Variants in ATR observed in about 807,000 individuals in gnomAD.
ATR encodes serine/threonine-protein kinase ATR.
Under a neutral mutation model 305.3 loss-of-function variants are expected in ATR, and 142 were observed. The observed-to-expected ratio is 0.47, with a 90% CI of 0.41 to 0.53. ATR has a LOEUF of 0.53. ATR is among the 20% of genes least tolerant of loss of function. ATR has a pLI of 0.00. For synonymous variants in ATR, 1,050 were observed against 1,068.1 expected, an observed-to-expected ratio of 0.98 and a Z score of 0.33; for missense variants, 2,135 against 3,133.1, an observed-to-expected ratio of 0.68 and a Z score of 7.60.
At chr3:142,543,353 T>C (rs1036741888) in intron 16 of ATR, among the ~76,000 whole-genome samples, 5 of 149,134 alleles carry the variant, frequency 3.4e-5, no homozygotes, top group African/African-American at 1.2e-4. Flanking sequence ...CCTTCCTTCC[T>C]TCCTTCCTCC....
intron 21 of ATR, among the ~76,000 whole-genome samples, chr3:142,530,260 C>A (rs1358669523): frequency 6.6e-6 from 1 of 151,990 alleles, no homozygotes; most frequent in Non-Finnish European, 1.5e-5. Flanking sequence ...TTCAATCACC[C>A]TCGTTTCATC....
At chr3:142,504,700 G>A (rs1260906512) in intron 29 of ATR, among the ~76,000 whole-genome samples, 4 of 152,086 alleles carry the variant, frequency 2.6e-5, no homozygotes, top group African/African-American at 9.7e-5. Context: ...CTGACCTCGG[G>A]GAATCCACCC....
At chr3:142,460,485 C>T (rs2071000737) in intron 42 of ATR, among the ~76,000 whole-genome samples, 1 of 151,836 alleles carries the variant, frequency 6.6e-6, no homozygotes, top group African/African-American at 2.4e-5. Context: ...TGCTATGTAA[C>T]AATAAAGGCA....
chr3:142,547,532 T>A (rs902572117), intron 16 of ATR, among the ~76,000 whole-genome samples, 193 bp downstream of exon 16: 3 of 152,212 alleles, frequency 2.0e-5, no homozygotes, highest in African/African-American at 7.2e-5. Flanking sequence ...ATAAACGTGA[T>A]CTCGTGTTCA....
chr3:142,486,943 G>T (rs2030964764), intron 35 of ATR, among the ~76,000 whole-genome samples: 1 of 123,314 alleles, frequency 8.1e-6, no homozygotes, highest in Non-Finnish European at 1.6e-5. Flanking sequence ...GTGAAACCTG[G>T]TCTCTACTAA....
At position 142,542,745 on chromosome 3, in the gene ATR, G is replaced by A; in HGVS notation, c.3370C>T (p.Gln1124Ter). The change falls in exon 17 of 47, where the codon CAA becomes TAA. Residue 1124 changes from glutamine (Q) to a stop codon, truncating the protein, a stop_gained. Transcript: ENST00000350721. LOFTEE classifies it high-confidence loss of function. ...ISPELMADYLQPKLLGILAFF... is the reference protein window; with the variant it reads ...ISPELMADYL ...GCCAAAATGCCCAACAATTTGGGTT[G>A]TAAATAATCAGCCTAAGAAATAAAA... 1.2e-6 allele frequency: 2 copies of A among 1,611,630 alleles called. No individual in the cohort carries two copies. The highest frequency in any genetic ancestry group is 1.7e-6 in the Non-Finnish European group (2 of 1,178,236).
intron 22 of ATR, among the ~76,000 whole-genome samples, 174 bp from the exon 23 acceptor site, chr3:142,523,015 T>C (rs2033212843): frequency 6.6e-6 from 1 of 152,222 alleles, no homozygotes; most frequent in African/African-American, 2.4e-5. Context: ...ATATAATCTG[T>C]AGCTAAAAAG....
intron 46 of ATR, chr3:142,452,132 C>A: frequency 9.8e-7 from 1 of 1,019,266 alleles, no homozygotes; most frequent in South Asian, 4.0e-5. Context: ...CCTTCTTTCT[C>A]AAGACAAAGG....
intron 10 of ATR, 39 bp downstream of exon 10, chr3:142,555,838 A>T (rs1470380679): frequency 7.0e-6 from 11 of 1,573,856 alleles, no homozygotes; most frequent in Non-Finnish European, 9.5e-6. Context: ...GCAGAGCTTA[A>T]ATAGGTTTTA....
rs189365380 is a variant in ATR at position 142,500,340 on chromosome 3, T to C, written c.5289-622A>G. Among the ~76,000 whole-genome samples, 349 of 152,330 alleles carry C rather than the reference T, an allele frequency of 2.3e-3. 1 individual carries two copies. Among genetic ancestry groups the C allele is most frequent in the South Asian group, 4.3e-3 (21 of 4,828 alleles). On this transcript the variant is annotated intron_variant, in intron 30 of 46. Coordinates refer to ENST00000350721, the MANE Select transcript of ATR (RefSeq NM_001184.4). ...TTGAGTTTGCAAAACCAGTATGATA[T>C]AGGCTAATTATTTTGTTCTAAGCAT... is the stretch of plus-strand genomic sequence containing the variant.
intron 17 of ATR, 75 bp from the exon 18 acceptor site, chr3:142,541,109 T>C (rs1158829012): frequency 2.6e-6 from 4 of 1,538,766 alleles, no homozygotes; most frequent in African/African-American, 2.7e-5. Flanking sequence ...TAAGGACAAG[T>C]GCTTCCCACC....
intron 45 of ATR, among the ~76,000 whole-genome samples, chr3:142,456,567 G>A (rs1239322103): frequency 6.6e-6 from 1 of 150,928 alleles, no homozygotes; most frequent in Non-Finnish European, 1.5e-5. Context: ...GCGAAACCCT[G>A]TCTCAAAGGA....
chr3:142,494,558 A>T (rs1243033119), intron 34 of ATR, among the ~76,000 whole-genome samples: 1 of 152,214 alleles, frequency 6.6e-6, no homozygotes, highest in Non-Finnish European at 1.5e-5. Flanking sequence ...AGAAAATTTG[A>T]ATTAGGTTTT....
At chr3:142,546,564 G>A (rs908249873) in intron 16 of ATR, among the ~76,000 whole-genome samples, 1 of 152,118 alleles carries the variant, frequency 6.6e-6, no homozygotes, top group Non-Finnish European at 1.5e-5. Context: ...ATCATTAAAG[G>A]AGAGAATGAT....
intron 28 of ATR, 53 bp downstream of exon 28, chr3:142,507,878 A>G: frequency 6.8e-7 from 1 of 1,478,378 alleles, no homozygotes; most frequent in Non-Finnish European, 9.4e-7. Context: ...CATAAACATA[A>G]AAGACTGGCC....
At chr3:142,452,372 C>G in intron 46 of ATR, 2 of 987,138 alleles carry the variant, frequency 2.0e-6, no homozygotes, top group Non-Finnish European at 2.4e-6. Flanking sequence ...TCTATTCTAA[C>G]TTATTAAAAA....
intron 36 of ATR, among the ~76,000 whole-genome samples, chr3:142,480,917 T>C (rs914463395): frequency 6.6e-6 from 1 of 152,178 alleles, no homozygotes; most frequent in African/African-American, 2.4e-5. Flanking sequence ...TGGTGTGCTG[T>C]TTGCTAAGAC....
At chr3:142,505,374 C>A (rs1488887783) in intron 28 of ATR, 71 bp from the exon 29 acceptor site, 7 of 1,572,608 alleles carry the variant, frequency 4.5e-6, no homozygotes, top group South Asian at 1.1e-5. Context: ...TATAAAACCA[C>A]CTGTTTATAT....
At chr3:142,451,031 A>G (rs2070777602) in intron 46 of ATR, 2 of 1,265,152 alleles carry the variant, frequency 1.6e-6, no homozygotes, top group South Asian at 1.4e-5. Context: ...AAGAGACACC[A>G]GTGAATATGA....
Sources: gnomAD v4.1 joint callset for allele counts (sites outside exome capture counted in the v4.1 genomes callset) on GRCh38, gnomAD v4.1.1 for gene constraint, MANE v1.5 for transcripts, NCBI Gene and HGNC (gene_info 2026-07-23, HGNC 2026-07-21) for gene names.